Variants in ARHGEF37 observed in about 807,000 individuals in gnomAD.
The protein encoded by ARHGEF37 is Rho guanine nucleotide exchange factor (GEF) 37.
A neutral mutation model predicts 71.1 loss-of-function variants in ARHGEF37; 55 were observed. The observed-to-expected ratio is 0.77, with a 90% CI of 0.62 to 0.97. The LOEUF is 0.97. Among genes scored for constraint, ARHGEF37 ranks in the 50% least tolerant of loss-of-function variants. The pLI is 0.00. For synonymous variants in ARHGEF37, 327 were observed against 350.6 expected, an observed-to-expected ratio of 0.93 and a Z score of 0.75; for missense variants, 765 against 836.8, an observed-to-expected ratio of 0.91 and a Z score of 1.06.
At chr5:149,617,079 T>G (rs865800851) in intron 5 of ARHGEF37, among the ~76,000 whole-genome samples, 2 of 152,150 alleles carry the variant, frequency 1.3e-5, no homozygotes, top group South Asian at 4.1e-4. Flanking sequence ...TTTTTCCCCC[T>G]TAGCCACAAA....
intron 10 of ARHGEF37, among the ~76,000 whole-genome samples, chr5:149,625,419 G>T (rs116301461): frequency 2.0e-5 from 3 of 152,260 alleles, no homozygotes; most frequent in Non-Finnish European, 2.9e-5. Context: ...TCAGAAGACA[G>T]CCCTGAGATT....
At chr5:149,609,999 A>G (rs1315467102) in intron 4 of ARHGEF37, among the ~76,000 whole-genome samples, 1 of 152,228 alleles carries the variant, frequency 6.6e-6, no homozygotes, top group Non-Finnish European at 1.5e-5. Flanking sequence ...GAATATTGCC[A>G]GTAACTGTGG....
At chr5:149,582,363 T>C (rs1158125318) in intron 1 of ARHGEF37, among the ~76,000 whole-genome samples, 1 of 152,232 alleles carries the variant, frequency 6.6e-6, no homozygotes, top group East Asian at 1.9e-4. Flanking sequence ...CAGAGCACTT[T>C]CTTTGCTCCT....
intron 3 of ARHGEF37, among the ~76,000 whole-genome samples, chr5:149,608,734 T>C (rs1415785197): frequency 6.6e-6 from 1 of 152,162 alleles, no homozygotes; most frequent in Non-Finnish European, 1.5e-5. Flanking sequence ...GTGAAACACT[T>C]GCCTCAGGTT....
intron 3 of ARHGEF37, among the ~76,000 whole-genome samples, chr5:149,604,926 T>C (rs1254308267): frequency 6.6e-6 from 1 of 151,502 alleles, no homozygotes; most frequent in Non-Finnish European, 1.5e-5. Flanking sequence ...AGCAACAGCA[T>C]TTTGAAAGAT....
At chr5:149,602,594 C>T (rs1763788225) in intron 3 of ARHGEF37, among the ~76,000 whole-genome samples, 1 of 152,030 alleles carries the variant, frequency 6.6e-6, no homozygotes, top group Admixed American at 6.6e-5. Flanking sequence ...CTCAAGGACC[C>T]TCCTGCCTCA....
intron 1 of ARHGEF37, among the ~76,000 whole-genome samples, chr5:149,592,321 C>T (rs1288342543): frequency 1.3e-5 from 2 of 152,228 alleles, no homozygotes; most frequent in East Asian, 3.8e-4. Context: ...TGTCCATCCC[C>T]ATCTCTAACC....
At chr5:149,591,456 T>C (rs1445516593) in intron 1 of ARHGEF37, among the ~76,000 whole-genome samples, 1 of 152,084 alleles carries the variant, frequency 6.6e-6, no homozygotes, top group Non-Finnish European at 1.5e-5. Context: ...CCCTCATAGC[T>C]CACTGCAGCC....
At chr5:149,593,872 T>G (rs1230137631) in intron 1 of ARHGEF37, among the ~76,000 whole-genome samples, 1 of 152,172 alleles carries the variant, frequency 6.6e-6, no homozygotes, top group Non-Finnish European at 1.5e-5. Context: ...CAGAAGAAAT[T>G]CTGTGTATAA....
At chr5:149,591,572 T>G (rs1763408537) in intron 1 of ARHGEF37, among the ~76,000 whole-genome samples, 1 of 152,178 alleles carries the variant, frequency 6.6e-6, no homozygotes, top group Non-Finnish European at 1.5e-5. Flanking sequence ...TAAGCTGCTT[T>G]GTCCTGAGAG....
At chr5:149,626,205 AC>A (rs1410478403) in intron 10 of ARHGEF37, among the ~76,000 whole-genome samples, 2 of 140,474 alleles carry the variant, frequency 1.4e-5, no homozygotes, top group South Asian at 2.3e-4. Flanking sequence ...CACACCCAGC[AC>A]CTCCCCACAA....
At chr5:149,571,905 C>CAAAAAAAA (rs150393350) in intron 1 of ARHGEF37, among the ~76,000 whole-genome samples, 2 of 77,560 alleles carry the variant, frequency 2.6e-5, no homozygotes, top group African/African-American at 1.0e-4. Flanking sequence ...GACCCTGTCT[C>CAAAAAAAA]AAAAAAAAAA....
intron 3 of ARHGEF37, among the ~76,000 whole-genome samples, chr5:149,604,851 T>C (rs1763869706): frequency 6.6e-6 from 1 of 151,524 alleles, no homozygotes; most frequent in African/African-American, 2.4e-5. Flanking sequence ...CCCGGCTAAT[T>C]TTTGTATTTT....
intron 10 of ARHGEF37, among the ~76,000 whole-genome samples, chr5:149,625,761 C>CCACACA (rs140715807): frequency 1.3e-3 from 195 of 149,958 alleles, no homozygotes; most frequent in South Asian, 5.1e-3. Context: ...TCCCACCTCT[C>CCACACA]CACACACACA....
chr5:149,609,218 G>A (rs1561800332), intron 3 of ARHGEF37, among the ~76,000 whole-genome samples: 1 of 150,936 alleles, frequency 6.6e-6, no homozygotes, highest in Non-Finnish European at 1.5e-5. Flanking sequence ...ACAAGCTAAT[G>A]GTTGAGTGTA....
At chr5:149,622,504 C>G (rs4235744) in intron 9 of ARHGEF37, among the ~76,000 whole-genome samples, 95,167 of 152,014 alleles carry the variant, frequency 0.63, 29,919 homozygotes, top group Middle Eastern at 0.79. Context: ...TTGGAGCACT[C>G]TCCATGCATG....
At chr5:149,570,214 C>A (rs1222270595) in intron 1 of ARHGEF37, among the ~76,000 whole-genome samples, 1 of 152,052 alleles carries the variant, frequency 6.6e-6, no homozygotes, top group East Asian at 1.9e-4. Flanking sequence ...GGTACAAGGT[C>A]AATATATCTA....
intron 1 of ARHGEF37, among the ~76,000 whole-genome samples, chr5:149,559,103 A>C (rs1427238771): frequency 6.6e-6 from 1 of 152,132 alleles, no homozygotes; most frequent in African/African-American, 2.4e-5. Context: ...TGGGCAGATC[A>C]TGAGGTCAAG....
intron 4 of ARHGEF37, 55 bp from the exon 5 acceptor site, chr5:149,616,512 C>T (rs1580925978): frequency 2.0e-6 from 3 of 1,530,180 alleles, no homozygotes; most frequent in Middle Eastern, 2.4e-4. Flanking sequence ...AGCCCAGGCC[C>T]CCTGGTCCTC....
Sources: allele counts gnomAD v4.1 joint callset (sites outside exome capture counted in the v4.1 genomes callset), GRCh38; gene constraint gnomAD v4.1.1; transcripts MANE v1.5; gene names NCBI Gene and HGNC (gene_info 2026-07-23, HGNC 2026-07-21).